The following PARD3 variants were observed in gnomAD, a reference collection of about 807,000 sequenced individuals.
PARD3 encodes par-3 family cell polarity regulator.
A neutral mutation model predicts 155.4 loss-of-function variants in PARD3; 75 were observed. The observed-to-expected ratio is 0.48, with a 90% confidence interval of 0.40 to 0.58. The LOEUF (loss-of-function observed/expected upper bound fraction) is 0.58, where lower values mean the gene tolerates loss of function less well. Ranked by LOEUF, PARD3 falls within the 20% of genes least tolerant of loss-of-function variation. PARD3 has a pLI of 0.00. For synonymous variants in PARD3, 576 were observed against 610.5 expected (o/e 0.94, Z 0.83); for missense variants, 1,642 against 1,721.7 (o/e 0.95, Z 0.82).
rs115662501 is a variant in PARD3 at position 34,370,301 on chromosome 10, C to G, written c.1707+2197G>C. Among the ~76,000 whole-genome samples, 918 of 152,270 alleles carry G rather than the reference C, an allele frequency of 6.0e-3. 12 individuals are homozygous for G. Among genetic ancestry groups the G allele is most frequent in the African/African-American group, 0.021 (874 of 41,546 alleles). On this transcript the variant is annotated intron_variant, in intron 12 of 24. Transcript: ENST00000374788. ...TCACCATGTCATGCTACCATAAACA[C>G]ACAGGTTGTGAACTGAAATGCAGCT... is the stretch of plus-strand genomic sequence containing the variant.
At chr10:34,284,784 T>G (rs1435444471) in intron 20 of PARD3, among the ~76,000 whole-genome samples, 3 of 152,204 alleles carry the variant, frequency 2.0e-5, no homozygotes, top group Non-Finnish European at 4.4e-5. Context: ...ACACTGCACT[T>G]TAATTAAATT....
chr10:34,796,396 T>G (rs1842244680), intron 1 of PARD3, among the ~76,000 whole-genome samples: 1 of 152,196 alleles, frequency 6.6e-6, no homozygotes, highest in Non-Finnish European at 1.5e-5. Flanking sequence ...TCATTGTTTA[T>G]TTAAGCCATT....
chr10:34,348,766 T>C (rs1837692813), intron 14 of PARD3, among the ~76,000 whole-genome samples: 1 of 152,136 alleles, frequency 6.6e-6, no homozygotes, highest in Non-Finnish European at 1.5e-5. Context: ...TACAGAACAA[T>C]ATGAAAATCG....
chr10:34,290,062 T>C (rs1016520603), intron 20 of PARD3, among the ~76,000 whole-genome samples: 9 of 152,242 alleles, frequency 5.9e-5, no homozygotes, highest in African/African-American at 1.2e-4. Flanking sequence ...CTCTGCAGTA[T>C]GAATACTATT....
intron 3 of PARD3, among the ~76,000 whole-genome samples, chr10:34,515,952 T>C (rs1197529630): frequency 6.8e-6 from 1 of 146,548 alleles, no homozygotes; most frequent in Non-Finnish European, 1.5e-5. Context: ...CAAATAGATG[T>C]ACCTAAAAAA....
chr10:34,667,518 T>C (rs2093516704), intron 2 of PARD3, among the ~76,000 whole-genome samples: 1 of 152,214 alleles, frequency 6.6e-6, no homozygotes, highest in Non-Finnish European at 1.5e-5. Flanking sequence ...TATTCATCAC[T>C]GAACCATAAA....
chr10:34,470,164 T>G lies in PARD3; in HGVS notation c.503A>C (p.Lys168Thr). ...TGTTGTTGACCAGCGTGTGGGATTT[T>G]TCCTTGAAGGCTCTTCAGAGGAAAA... is the stretch of plus-strand genomic sequence containing the variant. The part of the protein sequence containing the change: ...SNFSSEEPSR[K>T]NPTRWSTTAG... The change falls in exon 4 of 25, where the codon AAA (lysine) becomes ACA (threonine). Residue 168 changes from lysine to threonine, a missense_variant. Lys to Thr is a moderately conservative substitution (Grantham distance 78). Transcript: ENST00000374788. The G allele has an allele frequency of 6.2e-7, 1 of 1,613,536 alleles. No individual in the cohort carries two copies. Among genetic ancestry groups the G allele is most frequent in the Non-Finnish European group, 8.5e-7 (1 of 1,179,776 alleles).
At chr10:34,806,904 T>G (rs7083456) in intron 1 of PARD3, among the ~76,000 whole-genome samples, 1,864 of 152,228 alleles carry the variant, frequency 0.012, 51 homozygotes, top group African/African-American at 0.043. Flanking sequence ...CCTCTGAATA[T>G]GAGAACATGG....
At chr10:34,797,231 T>A (rs1374838202) in intron 1 of PARD3, among the ~76,000 whole-genome samples, 1 of 152,120 alleles carries the variant, frequency 6.6e-6, no homozygotes, top group East Asian at 1.9e-4. Context: ...ACTGACTGCA[T>A]CCTTGAACTC....
chr10:34,623,867 C>T (rs558869761), intron 2 of PARD3, among the ~76,000 whole-genome samples: 2 of 150,104 alleles, frequency 1.3e-5, no homozygotes, highest in Non-Finnish European at 3.0e-5. Flanking sequence ...TGTAGTCCCA[C>T]CTACTTGGGA....
rs1955519266 is a variant in PARD3 at position 34,269,689 on chromosome 10, C to A, written c.3387G>T (p.Lys1129Asn). ...CAGGTGAGGGTTTGGAATTCCGCGGCTTCTTGACTTGGGCATACAAAGCAT... is the reference window on the plus strand; with the variant it reads ...CAGGTGAGGGTTTGGAATTCCGCGGATTCTTGACTTGGGCATACAAAGCAT... ...MMDALYAQVK[K>N]PRNSKPSPVD... Residue 1129 changes from lysine to asparagine, a missense_variant, in exon 22 of 25, where the codon AAG (lysine) becomes AAT (asparagine). Lys to Asn is a moderately conservative substitution (Grantham distance 94). Around this residue, in one of 3 missense-constraint regions of PARD3, gnomAD observed 1,529 missense variants for 1,587.3 expected, o/e 0.96. Coordinates refer to ENST00000374788, the MANE Select transcript of PARD3 (RefSeq NM_001184785.2). 1 of 1,614,040 alleles carries A rather than the reference C, an allele frequency of 6.2e-7. No individual in the cohort carries two copies. The highest frequency in any genetic ancestry group is 2.2e-5 in the East Asian group (1 of 44,866).
At chr10:34,187,561 A>G (rs1327614075) in intron 22 of PARD3, among the ~76,000 whole-genome samples, 2 of 152,230 alleles carry the variant, frequency 1.3e-5, no homozygotes, top group East Asian at 3.8e-4. Context: ...CCATGCTAGA[A>G]AGCCTTAGCA....
Position 34,320,666 on chromosome 10 carries a change from C to A in PARD3, c.2834-3328G>T, listed in dbSNP as rs1340873847. ...TAATTTTCTGGTGTATGTAACACAA[C>A]TTATTTTCTAAAGTATGTGAAATAA... On this transcript the variant is annotated intron_variant, in intron 19 of 24. Transcript: ENST00000374788. Among the ~76,000 whole-genome samples, 3 of 152,166 alleles carry A rather than the reference C, an allele frequency of 2.0e-5. No individual in the cohort carries two copies. In the East Asian group the frequency reaches 5.8e-4, roughly 29 times the overall value.
chr10:34,286,240 T>C (rs539968866), intron 20 of PARD3, among the ~76,000 whole-genome samples: 1 of 152,294 alleles, frequency 6.6e-6, no homozygotes, highest in African/African-American at 2.4e-5. Context: ...CAGACAAAAA[T>C]GTACTGAGCA....
At chr10:34,210,025 GC>G (rs1951663147) in intron 22 of PARD3, among the ~76,000 whole-genome samples, 1 of 152,066 alleles carries the variant, frequency 6.6e-6, no homozygotes, top group Non-Finnish European at 1.5e-5. Context: ...TATAAAATTA[GC>G]CATACATTGC....
chr10:34,713,160 C>T (rs371950458), intron 1 of PARD3, among the ~76,000 whole-genome samples: 1 of 151,588 alleles, frequency 6.6e-6, no homozygotes, highest in Non-Finnish European at 1.5e-5. Context: ...TGTGGTGAGC[C>T]GAGATTGCAC....
intron 22 of PARD3, among the ~76,000 whole-genome samples, chr10:34,218,899 T>C (rs1269533222): frequency 6.6e-6 from 1 of 152,018 alleles, no homozygotes; most frequent in Admixed American, 6.6e-5. Flanking sequence ...TAATAGCCCA[T>C]CAAGATTCCT....
chr10:34,669,673 A>C (rs1028720610), intron 2 of PARD3, among the ~76,000 whole-genome samples: 1 of 152,186 alleles, frequency 6.6e-6, no homozygotes, highest in African/African-American at 2.4e-5. Flanking sequence ...GCAGGTGATA[A>C]TTTGCTTGCA....
rs116284800 is a variant in PARD3 at position 34,772,291 on chromosome 10, T to A, written c.120+42585A>T. 8.6e-3 allele frequency among the ~76,000 whole-genome samples: 1,302 copies of A among 151,386 alleles called. 18 individuals are homozygous for A. Among genetic ancestry groups the A allele is most frequent in the African/African-American group, 0.03 (1,237 of 41,266 alleles). ...TACAAAAAATTAGCAAGGCCCCCTG[T>A]AATCCCAGCTACTTCAGCCTGGGTG... On this transcript the variant is annotated intron_variant, in intron 1 of 24. Coordinates refer to ENST00000374788, the MANE Select transcript of PARD3 (RefSeq NM_001184785.2).
Sources: allele counts gnomAD v4.1 joint callset (sites outside exome capture counted in the v4.1 genomes callset), GRCh38; gene constraint gnomAD v4.1.1; regional missense constraint gnomAD v4.1.1; transcripts MANE v1.5; gene names NCBI Gene and HGNC (gene_info 2026-07-23, HGNC 2026-07-21).